PADI3: variants seen among roughly 807,000 people sequenced by gnomAD.
The protein encoded by PADI3 is protein-arginine deiminase type-3.
PADI3 carries 53 observed loss-of-function variants against 71.5 expected under a neutral mutation model. That is an observed-to-expected ratio of 0.74 (90% CI 0.59 to 0.93). The LOEUF (loss-of-function observed/expected upper bound fraction) is 0.93, where lower values mean the gene tolerates loss of function less well. PADI3 is among the 40% of genes least tolerant of loss of function. The probability of loss-of-function intolerance (pLI) is 0.00; values close to 1 mark genes in which losing one functional copy is unlikely to be tolerated. For missense variants in PADI3, 821 were observed against 868.0 expected (o/e 0.95, Z 0.68); for synonymous variants, 361 against 347.5 (o/e 1.04, Z -0.43).
rs1439401301 is a variant in PADI3, at chr1:17,283,260, A to G, written c.*181A>G. The G allele has an allele frequency of 1.7e-5, 10 of 579,382 alleles. No homozygotes were observed. The highest frequency in any genetic ancestry group is 2.9e-5 in the East Asian group (1 of 34,822). The allele number at this position is 579,382 out of a possible 1,614,324, so 35.9% of individuals were successfully genotyped here. A position where few individuals can be genotyped will look rare whatever the true frequency, so the allele number is the denominator to read the frequency against. On this transcript the variant is annotated 3_prime_UTR_variant, in exon 16 of 16. Transcript: ENST00000375460. ...AGTGTCCATGCCTCACCTGCAACCCATGTGGTTCTCAGACTTGAATCTTCT... is the reference window on the plus strand; with the variant it reads ...AGTGTCCATGCCTCACCTGCAACCCGTGTGGTTCTCAGACTTGAATCTTCT...
intron 1 of PADI3, among the ~76,000 whole-genome samples, chr1:17,252,826 T>C (rs2072982858): frequency 6.6e-6 from 1 of 152,214 alleles, no homozygotes. Flanking sequence ...CCACTGGGCT[T>C]TCCCATAACA....
intron 1 of PADI3, among the ~76,000 whole-genome samples, chr1:17,252,700 G>C (rs6586512): frequency 0.18 from 27,560 of 152,128 alleles, 2,671 homozygotes; most frequent in African/African-American, 0.24. Flanking sequence ...CACCGTGTCT[G>C]GCCCAGTTTC....
At position 17,271,110 on chromosome 1, in the gene PADI3, G is replaced by A. The variant is rs1353014941; in HGVS notation, c.979G>A (p.Ala327Thr). 1 of 1,613,848 alleles carries A rather than the reference G, an allele frequency of 6.2e-7. No homozygotes were observed. Among genetic ancestry groups the A allele is most frequent in the Non-Finnish European group, 8.5e-7 (1 of 1,180,022 alleles). The change falls in exon 9 of 16, where the codon GCC becomes ACC. Residue 327 changes from alanine to threonine, a missense_variant. Coordinates refer to ENST00000375460, the MANE Select transcript of PADI3 (RefSeq NM_016233.2). The stretch of plus-strand genomic sequence containing the variant: ...TTTTGTGGATGCGGTGGCAGAGCTG[G>A]CCAGGAAGGCCGGCTGCAAGCTGAC... Reference protein sequence around the residue: ...TCFVDAVAELARKAGCKLTIC... With the variant: ...TCFVDAVAELTRKAGCKLTIC...
rs1557493948 is a variant in PADI3, at chr1:17,249,295, C to T, written c.92+66C>T. 3.8e-6 allele frequency: 5 copies of T among 1,319,020 alleles called. No homozygotes were observed. The East Asian group carries it at 1.1e-4, about 30-fold the overall frequency. 81.7% of individuals were successfully genotyped at this position (1,319,020 alleles called of 1,614,324 possible). A position where few individuals can be genotyped will look rare whatever the true frequency, so the allele number is the denominator to read the frequency against. ...TGATGCCCTTGGACCTTCCTCCCTG[C>T]AGGCTGGGCAGGGCTTCTTCAGGGC... On this transcript the variant is annotated intron_variant, in intron 1 of 15. Transcript: ENST00000375460.
Position 17,274,664 on chromosome 1 carries a change from A to G in PADI3, c.1185A>G (p.Glu395=), listed in dbSNP as rs147274679. The part of the protein sequence containing the change: ...LGPDFGYVTR[E]PRDRSVSGLD... ...CAGATTTTGGTTACGTGACTCGGGA[A>G]CCACGCGACAGGTCTGTGAGTGGCC... Residue 395 remains glutamate (E), a synonymous_variant, in exon 11 of 16, where the codon GAA becomes GAG. Transcript: ENST00000375460. 3.2e-3 allele frequency: 5,113 copies of G among 1,613,110 alleles called. 14 individuals are homozygous for G. Among genetic ancestry groups the G allele is most frequent in the Non-Finnish European group, 4.1e-3 (4,842 of 1,179,470 alleles).
chr1:17,266,165 T>TTTGGCCCACAG (rs2073165917), intron 4 of PADI3, among the ~76,000 whole-genome samples: 1 of 152,190 alleles, frequency 6.6e-6, no homozygotes, highest in Admixed American at 6.5e-5. Flanking sequence ...GTAGGCCAGA[T>TTTGGCCCACAG]TTGGCCCACA....
In PADI3 at chr1:17,283,207, C is replaced by T. The variant is rs1204782442; in HGVS notation, c.*128C>T. On this transcript the variant is annotated 3_prime_UTR_variant, in exon 16 of 16. Transcript: ENST00000375460. ...CTCCAGATGGAACACTGAGGGTGAC[C>T]GTCCCTCTCAGAAGCCTTTTCCCTG... 6.0e-5 allele frequency: 42 copies of T among 699,142 alleles called. No individual in the cohort carries two copies. The East Asian group carries it at 8.7e-4, about 14-fold the overall frequency. The allele number at this position is 699,142 out of a possible 1,614,324, so 43.3% of individuals were successfully genotyped here.
rs372035647 is a variant in PADI3 at position 17,259,716 on chromosome 1, C to G, written c.231C>G (p.Ile77Met). ...RWRFDATLEI[I>M]VVMNSPSNDL... ...GCTTTGACGCGACTTTGGAGATCATCGTGGTCATGAACTCCCCCAGCAATG... is the reference window on the plus strand; with the variant it reads ...GCTTTGACGCGACTTTGGAGATCATGGTGGTCATGAACTCCCCCAGCAATG... The change falls in exon 2 of 16, where the codon ATC (isoleucine) becomes ATG (methionine). Residue 77 changes from isoleucine to methionine, a missense_variant. Coordinates refer to ENST00000375460, the MANE Select transcript of PADI3 (RefSeq NM_016233.2). The G allele has an allele frequency of 2.5e-6, 4 of 1,612,660 alleles. No individual in the cohort carries two copies. Among genetic ancestry groups the G allele is most frequent in the Non-Finnish European group, 3.4e-6 (4 of 1,179,052 alleles).
At chr1:17,257,378 C>G (rs745550798) in intron 1 of PADI3, among the ~76,000 whole-genome samples, 3 of 152,242 alleles carry the variant, frequency 2.0e-5, no homozygotes, top group Non-Finnish European at 4.4e-5. Context: ...TAAAAGATGC[C>G]TAGTTAAAAT....
Position 17,271,167 on chromosome 1 carries a change from C to T in PADI3, c.1036C>T (p.Arg346Cys), listed in dbSNP as rs140529865. Reference protein sequence around the residue: ...ICPQAENRNDRWIQDEMELGY... With the variant: ...ICPQAENRNDCWIQDEMELGY... Reference sequence around the variant, plus strand: ...CCCACAGGCCGAGAACCGCAACGACCGCTGGATCCAGGTAACCACAGCCAC... The same window carrying T: ...CCCACAGGCCGAGAACCGCAACGACTGCTGGATCCAGGTAACCACAGCCAC... The change falls in exon 9 of 16, where the codon CGC becomes TGC. Residue 346 changes from arginine (R) to cysteine (C), a missense_variant. Physicochemically the swap from Arg to Cys is radical, Grantham distance 180. Coordinates refer to ENST00000375460, the MANE Select transcript of PADI3 (RefSeq NM_016233.2). The T allele has an allele frequency of 3.7e-5, 59 of 1,612,746 alleles. No homozygotes were observed. The highest frequency in any genetic ancestry group is 3.2e-4 in the Admixed American group (19 of 59,990).
chr1:17,260,897 G>C (rs1336617783), intron 2 of PADI3, among the ~76,000 whole-genome samples: 1 of 152,158 alleles, frequency 6.6e-6, no homozygotes, highest in Non-Finnish European at 1.5e-5. Flanking sequence ...CCCCCACCTT[G>C]AATTCCTTGG....
intron 13 of PADI3, among the ~76,000 whole-genome samples, chr1:17,278,429 G>T (rs12566659): frequency 6.6e-6 from 1 of 151,978 alleles, no homozygotes; most frequent in Non-Finnish European, 1.5e-5. Context: ...GAGTCTCACC[G>T]TGTTGCCCAG....
intron 15 of PADI3, among the ~76,000 whole-genome samples, chr1:17,281,991 T>C (rs1455580136): frequency 2.0e-5 from 3 of 152,192 alleles, no homozygotes; most frequent in Non-Finnish European, 4.4e-5. Context: ...AATTTGCCCA[T>C]TGTCAGAGCC....
At chr1:17,265,517 G>C in intron 3 of PADI3, 142 bp from the exon 4 acceptor site, 3 of 728,436 alleles carry the variant, frequency 4.1e-6, no homozygotes, top group Non-Finnish European at 7.2e-6. Flanking sequence ...CCAGCCCAGA[G>C]GGTGCAGATG....
At chr1:17,273,256 T>C in intron 9 of PADI3, 84 bp from the exon 10 acceptor site, 1 of 1,031,956 alleles carries the variant, frequency 9.7e-7, no homozygotes, top group Non-Finnish European at 1.5e-6. Flanking sequence ...GTGAGCAGTC[T>C]GCCCCACAGG....
At chr1:17,272,907 T>G in intron 9 of PADI3, among the ~76,000 whole-genome samples, 1 of 152,192 alleles carries the variant, frequency 6.6e-6, no homozygotes, top group East Asian at 1.9e-4. Context: ...TTAATGTTTA[T>G]AAAGAGTTTA....
rs201961308 is a variant in PADI3, at chr1:17,276,654, C to T, written c.1443C>T (p.Pro481=). 12 of 1,614,028 alleles carry T rather than the reference C, an allele frequency of 7.4e-6. No individual in the cohort carries two copies. Among genetic ancestry groups the T allele is most frequent in the East Asian group, 4.5e-5 (2 of 44,870 alleles). Residue 481 remains proline, a synonymous_variant, in exon 12 of 16, where the codon CCC becomes CCT. Coordinates refer to ENST00000375460, the MANE Select transcript of PADI3 (RefSeq NM_016233.2). Reference sequence around the variant, plus strand: ...AGTTTCTGAGCTTTGTCCCTGCCCCCGATGGGAAGGTAAGAACTTCGTGCA... The same window carrying T: ...AGTTTCTGAGCTTTGTCCCTGCCCCTGATGGGAAGGTAAGAACTTCGTGCA... ...VDEFLSFVPA[P]DGKGFRMLLA...
rs535583199 is a variant in PADI3 at position 17,249,111 on chromosome 1, G to C, written c.-27G>C. 12 of 1,605,136 alleles carry C rather than the reference G, an allele frequency of 7.5e-6. No individual in the cohort carries two copies. The highest frequency in any genetic ancestry group is 1.0e-5 in the Non-Finnish European group (12 of 1,171,984). ...GGCCTCAGGGGCAGTGTTGGGGTTG[G>C]CGGCCACAGCTAAGTCCAACACCAG... is the stretch of plus-strand genomic sequence containing the variant. On this transcript the variant is annotated 5_prime_UTR_variant, in exon 1 of 16. Transcript: ENST00000375460.
intron 1 of PADI3, among the ~76,000 whole-genome samples, chr1:17,256,173 ACCCTCATTTACTTTAATAACTCCTT>A (rs1307763404): frequency 2.6e-5 from 4 of 152,120 alleles, no homozygotes; most frequent in South Asian, 4.2e-4. Flanking sequence ...CGTTTCCTGC[ACCCTCATTTACTTTAATAACTCCTT>A]CCCTGTCCTG....
Sources: gnomAD v4.1 joint callset for allele counts (sites outside exome capture counted in the v4.1 genomes callset) on GRCh38, gnomAD v4.1.1 for gene constraint, MANE v1.5 for transcripts, NCBI Gene and HGNC (gene_info 2026-07-23, HGNC 2026-07-21) for gene names.